The following NR2C2AP variants were observed in gnomAD, a reference collection of about 807,000 sequenced individuals.
NR2C2AP encodes the protein nuclear receptor 2C2 associated protein.
Under a neutral mutation model 19.1 loss-of-function variants are expected in NR2C2AP, and 13 were observed. That is an observed-to-expected ratio of 0.68 (90% CI 0.44 to 1.08). The LOEUF (loss-of-function observed/expected upper bound fraction) is 1.08. Ranked by LOEUF, NR2C2AP falls within the 50% of genes least tolerant of loss-of-function variation. NR2C2AP has a pLI of 0.00. For missense variants in NR2C2AP, 181 were observed against 172.7 expected, an observed-to-expected ratio of 1.05 and a Z score of -0.27; for synonymous variants, 81 against 64.4, an observed-to-expected ratio of 1.26 and a Z score of -1.23.
rs2060727287 is a variant in NR2C2AP, at chr19:19,201,985, G to A, written c.360C>T (p.Ala120=). Residue 120 remains alanine (A), a synonymous_variant, in exon 5 of 5, where the codon GCC becomes GCT. Coordinates refer to ENST00000331552, the MANE Select transcript of NR2C2AP (RefSeq NM_176880.6). ...VDRLKVTFED[A]TDFFGRVVIY... is the part of the protein sequence containing the mutation. ...TGACCACACGGCCAAAAAAGTCAGT[G>A]GCATCCTCAAACGTCACCTTCAGCC... 1 of 1,614,174 alleles carries A rather than the reference G, an allele frequency of 6.2e-7. No homozygotes were observed. Among genetic ancestry groups the A allele is most frequent in the Non-Finnish European group, 8.5e-7 (1 of 1,180,032 alleles).
intron 4 of NR2C2AP, 30 bp downstream of exon 4, chr19:19,202,301 C>T (rs1173524482): frequency 2.5e-6 from 4 of 1,608,028 alleles, no homozygotes; most frequent in African/African-American, 1.3e-5. Flanking sequence ...GAGGCACAGA[C>T]CACCCACCCC....
In NR2C2AP at chr19:19,203,152, T is replaced by C. The variant is rs1248374630; in HGVS notation, c.-92A>G. 3.7e-6 allele frequency: 5 copies of C among 1,362,150 alleles called. No homozygotes were observed. The Admixed American group carries it at 7.4e-5, about 20-fold the overall frequency. The allele number at this position is 1,362,150 out of a possible 1,614,324, so 84.4% of individuals were successfully genotyped here. A position where few individuals can be genotyped will look rare whatever the true frequency, so the allele number is the denominator to read the frequency against. On this transcript the variant is annotated 5_prime_UTR_variant, in exon 1 of 5. Transcript: ENST00000331552. ...CTCAAGCTACAGGGCGGCGCGATCT[T>C]GGCTACGCCTTGGCCTGAACGTCCT...
intron 4 of NR2C2AP, 32 bp downstream of exon 4, chr19:19,202,299 G>C (rs755668814): frequency 6.2e-7 from 1 of 1,607,566 alleles, no homozygotes; most frequent in Non-Finnish European, 8.5e-7. Flanking sequence ...CAGAGGCACA[G>C]ACCACCCACC....
Position 19,201,969 on chromosome 19 carries a change from G to A in NR2C2AP, c.376C>T (p.Arg126Cys), listed in dbSNP as rs369432703. The A allele has an allele frequency of 7.4e-6, 12 of 1,614,044 alleles. No individual in the cohort carries two copies. Among genetic ancestry groups the A allele is most frequent in the African/African-American group, 2.7e-5 (2 of 74,926 alleles). ...ACCCGCAGGTGGTAGATGACCACAC[G>A]GCCAAAAAAGTCAGTGGCATCCTCA... ...TFEDATDFFG[R>C]VVIYHLRVLG... Residue 126 changes from arginine to cysteine, a missense_variant, in exon 5 of 5, where the codon CGT (arginine) becomes TGT (cysteine). Physicochemically the swap from Arg to Cys is radical, Grantham distance 180. Coordinates refer to ENST00000331552, the MANE Select transcript of NR2C2AP (RefSeq NM_176880.6).
In NR2C2AP at chr19:19,201,916, CT is replaced by C. The variant is rs1568586505; in HGVS notation, c.*8del. 6.2e-7 allele frequency: 1 copy of C among 1,614,140 alleles called. No homozygotes were observed. Among genetic ancestry groups the C allele is most frequent in the Admixed American group, 1.7e-5 (1 of 60,022 alleles). On this transcript the variant is annotated 3_prime_UTR_variant, in exon 5 of 5. Transcript: ENST00000331552. ...GAGGGCTTCCTGGAGGAGACAGCCC[CT>C]AGAGGTCTCACACCTTCTCCCCAAG...
Position 19,203,121 on chromosome 19 carries a change from C to A in NR2C2AP, c.-61G>T, listed in dbSNP as rs2060742985. On this transcript the variant is annotated 5_prime_UTR_variant, in exon 1 of 5. Transcript: ENST00000331552. ...GGCACAGCCTTGGTTCGAATCCCGG[C>A]GCCTCCTCAAGCTACAGGGCGGCGC... The A allele has an allele frequency of 6.3e-7, 1 of 1,584,132 alleles. No homozygotes were observed. The highest frequency in any genetic ancestry group is 1.7e-5 in the Admixed American group (1 of 58,832).
rs991246960 is a variant in NR2C2AP at position 19,202,784 on chromosome 19, G to C, written c.129+7C>G. The C allele has an allele frequency of 1.9e-6, 3 of 1,611,528 alleles. No individual in the cohort carries two copies. Among genetic ancestry groups the C allele is most frequent in the Admixed American group, 3.3e-5 (2 of 59,992 alleles). ...CTAGAGATGGAGGGTCGAGGGAGGC[G>C]CCTCACCTGGTCTGAGTTCCAACAT... On this transcript the variant is annotated splice_region_variant and intron_variant, in intron 2 of 4. Coordinates refer to ENST00000331552, the MANE Select transcript of NR2C2AP (RefSeq NM_176880.6).
Position 19,203,076 on chromosome 19 carries a change from C to T in NR2C2AP, c.-16G>A. On this transcript the variant is annotated 5_prime_UTR_variant, in exon 1 of 5. Coordinates refer to ENST00000331552, the MANE Select transcript of NR2C2AP (RefSeq NM_176880.6). ...AGTGGGTCATGTCGGTTCCACAAGA[C>T]CTCGCAGGGCTTAGGATTGGGCACA... The T allele has an allele frequency of 2.5e-6, 4 of 1,613,920 alleles. No individual in the cohort carries two copies. In the South Asian group the frequency reaches 3.3e-5, roughly 13 times the overall value.
Position 19,203,347 on chromosome 19 carries a change from T to C in NR2C2AP, c.-287A>G. 1.9e-6 allele frequency: 1 copy of C among 530,970 alleles called. No homozygotes were observed. The highest frequency in any genetic ancestry group is 2.1e-5 in the South Asian group (1 of 47,380). The allele number at this position is 530,970 out of a possible 1,614,324, so 32.9% of individuals were successfully genotyped here. A position where few individuals can be genotyped will look rare whatever the true frequency, so the allele number is the denominator to read the frequency against. On this transcript the variant is annotated 5_prime_UTR_variant, in exon 1 of 5. Coordinates refer to ENST00000331552, the MANE Select transcript of NR2C2AP (RefSeq NM_176880.6). Reference sequence around the variant, plus strand: ...GATTTCCCGCGGGTTTCGGGGGCGGTGGCTTTTTGTGCGAGGCTGTTTCTC... The same window carrying C: ...GATTTCCCGCGGGTTTCGGGGGCGGCGGCTTTTTGTGCGAGGCTGTTTCTC...
rs879546573 is a variant in NR2C2AP at position 19,202,871 on chromosome 19, C to T, written c.49G>A (p.Val17Met). Residue 17 changes from valine (V) to methionine (M), a missense_variant, in exon 2 of 5, where the codon GTG (valine) becomes ATG (methionine). Coordinates refer to ENST00000331552, the MANE Select transcript of NR2C2AP (RefSeq NM_176880.6). ...AACTGCCGAGTGTTGCGATTCAGCA[C>T]TGAACTCACCCTGGAGGCACCAGGA... ...CPETVSRVSS[V>M]LNRNTRQFGK... 12 of 1,613,654 alleles carry T rather than the reference C, an allele frequency of 7.4e-6. No individual in the cohort carries two copies. The highest frequency in any genetic ancestry group is 1.0e-5 in the Non-Finnish European group (12 of 1,180,000).
chr19:19,201,642 A>G lies in NR2C2AP; in HGVS notation c.*283T>C, dbSNP rs1233475568. ...TCACAGCCCACCTTTTCCCTGCCCC[A>G]TCTCAGTGCAACAGGTGATCGAGAA... is the stretch of plus-strand genomic sequence containing the variant. On this transcript the variant is annotated 3_prime_UTR_variant, in exon 5 of 5. Coordinates refer to ENST00000331552, the MANE Select transcript of NR2C2AP (RefSeq NM_176880.6). The G allele has an allele frequency of 6.2e-7, 1 of 1,614,016 alleles. No individual in the cohort carries two copies. Among genetic ancestry groups the G allele is most frequent in the Admixed American group, 1.7e-5 (1 of 60,016 alleles).
Position 19,201,531 on chromosome 19 carries a change from A to G in NR2C2AP, c.*394T>C. 1 of 1,603,204 alleles carries G rather than the reference A, an allele frequency of 6.2e-7. No homozygotes were observed. The highest frequency in any genetic ancestry group is 8.5e-7 in the Non-Finnish European group (1 of 1,179,768). On this transcript the variant is annotated 3_prime_UTR_variant, in exon 5 of 5. Coordinates refer to ENST00000331552, the MANE Select transcript of NR2C2AP (RefSeq NM_176880.6). ...TCGGTTCTCCCAGCTTTGCTCTGTA[A>G]TGCAGGTCTCTGCAAGGGTCCCTGT...
In NR2C2AP at chr19:19,201,498, G is replaced by A. The variant is rs1221798451; in HGVS notation, c.*427C>T. ...CTTAGGGGAAGTTGAGGTTCCTGGG[G>A]TGAGTCCTCGGTTCTCCCAGCTTTG... On this transcript the variant is annotated 3_prime_UTR_variant, in exon 5 of 5. Transcript: ENST00000331552. The A allele has an allele frequency of 1.1e-5, 17 of 1,594,894 alleles. No homozygotes were observed. Among genetic ancestry groups the A allele is most frequent in the Admixed American group, 1.7e-5 (1 of 58,764 alleles).
At position 19,203,398 on chromosome 19, in the gene NR2C2AP, T is replaced by C. The variant is rs1055093063; in HGVS notation, c.-338A>G. Reference sequence around the variant, plus strand: ...TGCGAATAGCTCTTGGAGCCAAATCTTGGGACCCGGAACCGCGTGGGCTTG... The same window carrying C: ...TGCGAATAGCTCTTGGAGCCAAATCCTGGGACCCGGAACCGCGTGGGCTTG... On this transcript the variant is annotated 5_prime_UTR_variant, in exon 1 of 5. Transcript: ENST00000331552. 2.4e-6 allele frequency: 1 copy of C among 419,490 alleles called. No homozygotes were observed. Among genetic ancestry groups the C allele is most frequent in the African/African-American group, 2.0e-5 (1 of 49,740 alleles). The allele number at this position is 419,490 out of a possible 1,614,324, so 26.0% of individuals were successfully genotyped here. A position where few individuals can be genotyped will look rare whatever the true frequency, so the allele number is the denominator to read the frequency against.
In NR2C2AP at chr19:19,203,139, G is replaced by A. The variant is rs1452186595; in HGVS notation, c.-79C>T. ...ATCCCGGCGCCTCCTCAAGCTACAGGGCGGCGCGATCTTGGCTACGCCTTG... is the reference window on the plus strand; with the variant it reads ...ATCCCGGCGCCTCCTCAAGCTACAGAGCGGCGCGATCTTGGCTACGCCTTG... On this transcript the variant is annotated 5_prime_UTR_variant, in exon 1 of 5. Transcript: ENST00000331552. 1.3e-6 allele frequency: 2 copies of A among 1,505,336 alleles called. No homozygotes were observed. Among genetic ancestry groups the A allele is most frequent in the Non-Finnish European group, 1.8e-6 (2 of 1,090,320 alleles). The allele number at this position is 1,505,336 out of a possible 1,614,324, so 93.2% of individuals were successfully genotyped here.
In NR2C2AP at chr19:19,201,773, TG is replaced by T; in HGVS notation, c.*151del. 5 of 1,613,576 alleles carry T rather than the reference TG, an allele frequency of 3.1e-6. No individual in the cohort carries two copies. The highest frequency in any genetic ancestry group is 4.2e-6 in the Non-Finnish European group (5 of 1,179,872). ...AGGGAACAAAATGGTCAGCCAGAGC[TG>T]GGGAAACCCAGAACTGACTTCAAAG... On this transcript the variant is annotated 3_prime_UTR_variant, in exon 5 of 5. Transcript: ENST00000331552.
chr19:19,202,466 G>C lies in NR2C2AP; in HGVS notation c.235+4C>G. On this transcript the variant is annotated splice_donor_region_variant and intron_variant, in intron 3 of 4. Coordinates refer to ENST00000331552, the MANE Select transcript of NR2C2AP (RefSeq NM_176880.6). ...AACCCCTGCCACCCAGGGCCTTCTAGTACCTTCCAGGCAGCCCCGGCGACT... is the reference window on the plus strand; with the variant it reads ...AACCCCTGCCACCCAGGGCCTTCTACTACCTTCCAGGCAGCCCCGGCGACT... 1.2e-6 allele frequency: 2 copies of C among 1,613,970 alleles called. No homozygotes were observed. The highest frequency in any genetic ancestry group is 1.7e-6 in the Non-Finnish European group (2 of 1,179,854).
intron 3 of NR2C2AP, 25 bp from the exon 4 acceptor site, chr19:19,202,423 G>T: frequency 3.7e-6 from 6 of 1,613,878 alleles, no homozygotes; most frequent in Non-Finnish European, 5.1e-6. Context: ...GGCAATGAGT[G>T]TCTGGGGTGA....
rs761632930 is a variant in NR2C2AP, at chr19:19,202,337, C to T, written c.297G>A (p.Ser99=). The T allele has an allele frequency of 4.3e-5, 70 of 1,614,006 alleles. No individual in the cohort carries two copies. Among genetic ancestry groups the T allele is most frequent in the Non-Finnish European group, 5.4e-5 (64 of 1,179,974 alleles). The part of the protein sequence containing the change: ...IVDFYPEDNN[S]LQTFPIPAAE... ...AGAAGCAGGGGCAGGATATCTGAAGCGAGTTGTTGTCCTCAGGGTAGAAAT... is the reference window on the plus strand; with the variant it reads ...AGAAGCAGGGGCAGGATATCTGAAGTGAGTTGTTGTCCTCAGGGTAGAAAT... Residue 99 remains serine (S), a synonymous_variant, in exon 4 of 5, where the codon TCG becomes TCA. Transcript: ENST00000331552.
Sources: gnomAD v4.1 joint callset for allele counts on GRCh38, gnomAD v4.1.1 for gene constraint, MANE v1.5 for transcripts, NCBI Gene and HGNC (gene_info 2026-07-23, HGNC 2026-07-21) for gene names.